PCED1B: variants seen among roughly 807,000 people sequenced by gnomAD.
PCED1B encodes PC-esterase domain containing 1B, also known as PC-esterase domain-containing protein 1B.
For synonymous variants in PCED1B, 251 were observed against 246.1 expected (o/e 1.02, Z -0.19); for missense variants, 573 against 573.9 (o/e 1.00, Z 0.02).
At chr12:47,116,614 T>C (rs1326224874) in intron 2 of PCED1B, among the ~76,000 whole-genome samples, 1 of 152,226 alleles carries the variant, frequency 6.6e-6, no homozygotes, top group Non-Finnish European at 1.5e-5. Context: ...TAATAGGTAG[T>C]TAGATCATTT....
chr12:47,217,266 G>A (rs1943287759), intron 3 of PCED1B, among the ~76,000 whole-genome samples: 1 of 151,616 alleles, frequency 6.6e-6, no homozygotes. Context: ...GCCAGGCATG[G>A]TGGCACAGGC....
intron 3 of PCED1B, among the ~76,000 whole-genome samples, chr12:47,233,541 G>A (rs1275195066): frequency 6.6e-6 from 1 of 152,186 alleles, no homozygotes; most frequent in Non-Finnish European, 1.5e-5. Context: ...GGAAATAAAT[G>A]GGGGGAGCTC....
intron 2 of PCED1B, among the ~76,000 whole-genome samples, chr12:47,107,458 A>G (rs1457926299): frequency 6.6e-6 from 1 of 152,220 alleles, no homozygotes; most frequent in Non-Finnish European, 1.5e-5. Context: ...CAAATTTAAG[A>G]GAGTAAAGTG....
intron 3 of PCED1B, among the ~76,000 whole-genome samples, chr12:47,230,721 C>G (rs761378726): frequency 6.6e-6 from 1 of 152,110 alleles, no homozygotes; most frequent in Non-Finnish European, 1.5e-5. Flanking sequence ...TGATTACAGG[C>G]GTGAGCCTCC....
At chr12:47,156,845 T>G (rs1252049095) in intron 2 of PCED1B, among the ~76,000 whole-genome samples, 1 of 152,136 alleles carries the variant, frequency 6.6e-6, no homozygotes, top group African/African-American at 2.4e-5. Flanking sequence ...CTTCGTTACT[T>G]ACTAGCTGTG....
chr12:47,213,225 C>G (rs1943147152), intron 2 of PCED1B, among the ~76,000 whole-genome samples: 2 of 152,096 alleles, frequency 1.3e-5, no homozygotes, highest in Non-Finnish European at 2.9e-5. Context: ...TCTCAAAGTT[C>G]CTAATATGTT....
chr12:47,177,137 T>G (rs1445547791), intron 2 of PCED1B, among the ~76,000 whole-genome samples: 1 of 152,142 alleles, frequency 6.6e-6, no homozygotes, highest in Non-Finnish European at 1.5e-5. Context: ...TCATCCTGGC[T>G]CTGGAGGACA....
intron 2 of PCED1B, among the ~76,000 whole-genome samples, chr12:47,144,991 T>C (rs944363906): frequency 1.3e-5 from 2 of 152,242 alleles, no homozygotes; most frequent in African/African-American, 2.4e-5. Flanking sequence ...TGTCAAAAGC[T>C]GAGATAGGCT....
chr12:47,094,631 T>C (rs1938401666), intron 1 of PCED1B, among the ~76,000 whole-genome samples: 1 of 151,832 alleles, frequency 6.6e-6, no homozygotes, highest in East Asian at 1.9e-4. Context: ...CTTGATTTAT[T>C]ACAGAATTAT....
chr12:47,095,926 C>G (rs1006060067), intron 1 of PCED1B, among the ~76,000 whole-genome samples: 2 of 151,972 alleles, frequency 1.3e-5, no homozygotes, highest in South Asian at 4.2e-4. Context: ...TTTTTTTTTA[C>G]TCTGTCTCAG....
chr12:47,090,149 T>C (rs1336616956), intron 1 of PCED1B, among the ~76,000 whole-genome samples: 1 of 152,182 alleles, frequency 6.6e-6, no homozygotes, highest in Admixed American at 6.5e-5. Context: ...CTATTAAAGA[T>C]GATCTCTCCC....
At position 47,236,283 on chromosome 12, in the gene PCED1B, G is replaced by A; in HGVS notation, c.1220G>A (p.Gly407Asp). The A allele has an allele frequency of 3.1e-6, 5 of 1,614,104 alleles. No individual in the cohort carries two copies. The highest frequency in any genetic ancestry group is 1.6e-4 in the Middle Eastern group (1 of 6,062). ...GGTTTTGGCAGGTATCGTCCCCGTG[G>A]CCCCTATACGCCCTGGGGACAGCGG... ...HRGFGRYRPR[G>D]PYTPWGQRPR... Residue 407 changes from glycine to aspartate, a missense_variant, in exon 4 of 4, where the codon GGC becomes GAC. Gly to Asp is a moderately conservative substitution (Grantham distance 94, BLOSUM62 -1). Coordinates refer to ENST00000546455, the MANE Select transcript of PCED1B (RefSeq NM_138371.3).
At chr12:47,180,721 A>C (rs1170301745) in intron 2 of PCED1B, among the ~76,000 whole-genome samples, 1 of 152,174 alleles carries the variant, frequency 6.6e-6, no homozygotes, top group African/African-American at 2.4e-5. Flanking sequence ...TAATATCCAG[A>C]GTCTACAAGG....
intron 1 of PCED1B, among the ~76,000 whole-genome samples, chr12:47,083,726 T>C (rs1340668435): frequency 6.6e-6 from 1 of 152,166 alleles, no homozygotes; most frequent in African/African-American, 2.4e-5. Flanking sequence ...GCTTATGGCA[T>C]GTTTCTCTGG....
intron 2 of PCED1B, among the ~76,000 whole-genome samples, chr12:47,118,898 G>T (rs539743004): frequency 7.9e-5 from 12 of 152,154 alleles, no homozygotes; most frequent in Non-Finnish European, 1.0e-4. Context: ...CCTTGAAGAG[G>T]TCCTTCACAT....
chr12:47,094,859 G>A (rs951501034), intron 1 of PCED1B, among the ~76,000 whole-genome samples: 2 of 145,712 alleles, frequency 1.4e-5, no homozygotes, highest in African/African-American at 5.0e-5. Flanking sequence ...TCATTTCCAT[G>A]TTTTTCTGTC....
chr12:47,212,562 C>A lies in PCED1B; in HGVS notation c.-525-3660C>A, dbSNP rs569476156. Among the ~76,000 whole-genome samples the A allele has an allele frequency of 7.0e-4, 106 of 152,268 alleles. 1 individual carries two copies. Among genetic ancestry groups the A allele is most frequent in the Middle Eastern group, 3.4e-3 (1 of 294 alleles). ...CTCCCCGAGCTTCAACTTGACCTAA[C>A]GATGATTTCTGTCATCTCCCCTCCA... On this transcript the variant is annotated intron_variant, in intron 2 of 3. Transcript: ENST00000546455.
intron 2 of PCED1B, among the ~76,000 whole-genome samples, chr12:47,169,807 A>G (rs1941662066): frequency 6.6e-6 from 1 of 150,476 alleles, no homozygotes; most frequent in Admixed American, 6.6e-5. Flanking sequence ...GTGAACTATT[A>G]TCATGCCGCT....
chr12:47,088,263 A>G (rs1026167332), intron 1 of PCED1B, among the ~76,000 whole-genome samples: 6 of 152,210 alleles, frequency 3.9e-5, no homozygotes, highest in African/African-American at 1.4e-4. Flanking sequence ...TATGTGCAAA[A>G]TAAACAGAGC....
Sources: allele counts gnomAD v4.1 joint callset (sites outside exome capture counted in the v4.1 genomes callset), GRCh38; gene constraint gnomAD v4.1.1; transcripts MANE v1.5; gene names NCBI Gene and HGNC (gene_info 2026-07-23, HGNC 2026-07-21).